SNTB1: variants seen among roughly 807,000 people sequenced by gnomAD.
The protein encoded by SNTB1 is syntrophin beta 1.
In SNTB1, 36 loss-of-function variants were observed where a neutral mutation model predicts 48.9. That is an observed-to-expected ratio of 0.74 (90% CI 0.56 to 0.97). SNTB1 has a LOEUF of 0.97. Ranked by LOEUF, SNTB1 falls within the 50% of genes least tolerant of loss-of-function variation. The pLI, the probability that SNTB1 is intolerant of heterozygous loss-of-function variation, is 0.00. For synonymous variants in SNTB1, 299 were observed against 294.6 expected, an observed-to-expected ratio of 1.01 and a Z score of -0.15; for missense variants, 786 against 703.4, an observed-to-expected ratio of 1.12 and a Z score of -1.33.
At chr8:120,759,469 A>G (rs986001967) in intron 1 of SNTB1, among the ~76,000 whole-genome samples, 2 of 152,188 alleles carry the variant, frequency 1.3e-5, no homozygotes, top group African/African-American at 4.8e-5. Flanking sequence ...ATACTTCTTG[A>G]TAACTGAAGA....
chr8:120,709,609 C>T (rs775825316), intron 1 of SNTB1, among the ~76,000 whole-genome samples: 1 of 152,152 alleles, frequency 6.6e-6, no homozygotes, highest in Non-Finnish European at 1.5e-5. Flanking sequence ...ATACTGTTAT[C>T]ATTAACAGTT....
chr8:120,730,783 T>C (rs1818837431), intron 1 of SNTB1, among the ~76,000 whole-genome samples: 1 of 152,086 alleles, frequency 6.6e-6, no homozygotes, highest in Non-Finnish European at 1.5e-5. Context: ...TAGTGTATCT[T>C]TAGGGAGAGA....
intron 1 of SNTB1, among the ~76,000 whole-genome samples, chr8:120,764,298 A>G (rs151334416): frequency 1.3e-5 from 2 of 152,240 alleles, no homozygotes; most frequent in African/African-American, 4.8e-5. Context: ...ACTTGGAAAG[A>G]TATCCAAGAA....
At chr8:120,770,966 C>T (rs1022216992) in intron 1 of SNTB1, among the ~76,000 whole-genome samples, 4 of 152,164 alleles carry the variant, frequency 2.6e-5, no homozygotes, top group East Asian at 1.9e-4. Context: ...AAATAATGAT[C>T]TCAGAATACT....
intron 1 of SNTB1, among the ~76,000 whole-genome samples, chr8:120,770,074 C>T (rs980918871): frequency 6.6e-6 from 1 of 152,164 alleles, no homozygotes; most frequent in African/African-American, 2.4e-5. Context: ...TTCTGGGAAA[C>T]ATTTGTATGC....
At chr8:120,692,291 C>A (rs901810277) in intron 2 of SNTB1, among the ~76,000 whole-genome samples, 11 of 152,084 alleles carry the variant, frequency 7.2e-5, no homozygotes, top group Non-Finnish European at 8.8e-5. Context: ...TGCCCCTATT[C>A]CCGATGGCTT....
intron 1 of SNTB1, among the ~76,000 whole-genome samples, chr8:120,783,470 G>A (rs1196354914): frequency 6.6e-6 from 1 of 152,024 alleles, no homozygotes; most frequent in Non-Finnish European, 1.5e-5. Flanking sequence ...AAAAAATAAT[G>A]TCAATACCCC....
At chr8:120,688,475 T>A (rs1480882106) in intron 2 of SNTB1, among the ~76,000 whole-genome samples, 1 of 152,182 alleles carries the variant, frequency 6.6e-6, no homozygotes, top group East Asian at 1.9e-4. Flanking sequence ...GTTCTAGATA[T>A]CTGGGGTAAT....
intron 1 of SNTB1, among the ~76,000 whole-genome samples, chr8:120,766,283 G>C (rs1819523578): frequency 6.6e-6 from 1 of 152,046 alleles, no homozygotes. Flanking sequence ...GATTCAGAAA[G>C]GATAAATAAT....
At chr8:120,695,884 A>C (rs1163551596) in intron 1 of SNTB1, among the ~76,000 whole-genome samples, 4 of 152,204 alleles carry the variant, frequency 2.6e-5, no homozygotes, top group Non-Finnish European at 5.9e-5. Context: ...ACCTGTTAGC[A>C]CAGGTTGCAG....
intron 1 of SNTB1, among the ~76,000 whole-genome samples, chr8:120,798,939 G>C (rs1820169451): frequency 6.6e-6 from 1 of 152,052 alleles, no homozygotes; most frequent in Non-Finnish European, 1.5e-5. Flanking sequence ...GTTGCTTACA[G>C]AAAATACCTT....
intron 2 of SNTB1, among the ~76,000 whole-genome samples, chr8:120,633,486 C>G (rs1489738761): frequency 6.6e-6 from 1 of 151,940 alleles, no homozygotes; most frequent in Non-Finnish European, 1.5e-5. Context: ...GTGCCTGTAG[C>G]CCCAGCTACT....
chr8:120,547,101 TG>T, intron 5 of SNTB1, among the ~76,000 whole-genome samples: 1 of 152,220 alleles, frequency 6.6e-6, no homozygotes, highest in South Asian at 2.1e-4. Context: ...CTTCCTGATT[TG>T]TCAGGTTGAC....
chr8:120,653,207 A>G (rs1817437825), intron 2 of SNTB1, among the ~76,000 whole-genome samples: 1 of 152,184 alleles, frequency 6.6e-6, no homozygotes, highest in Admixed American at 6.5e-5. Flanking sequence ...TAATTAAGGG[A>G]AGGATTCAGA....
At chr8:120,782,224 C>G (rs1035607986) in intron 1 of SNTB1, among the ~76,000 whole-genome samples, 1 of 152,104 alleles carries the variant, frequency 6.6e-6, no homozygotes, top group Non-Finnish European at 1.5e-5. Context: ...TAATCCTACT[C>G]CAATATAACC....
rs145576019 is a variant in SNTB1, at chr8:120,618,542, C to T, written c.996+13902G>A. Among the ~76,000 whole-genome samples the T allele has an allele frequency of 5.9e-5, 9 of 152,258 alleles. No homozygotes were observed. The East Asian group carries it at 1.7e-3, about 29-fold the overall frequency. ...GCATATTGTATGTGCTCAATAGTTA[C>T]TTACAGAATGAATGAATTATAGGTG... On this transcript the variant is annotated intron_variant, in intron 3 of 6. Transcript: ENST00000517992.
chr8:120,565,066 C>T (rs1437400917), intron 4 of SNTB1, among the ~76,000 whole-genome samples: 1 of 152,130 alleles, frequency 6.6e-6, no homozygotes, highest in Non-Finnish European at 1.5e-5. Flanking sequence ...TTTTTGGAGA[C>T]ATTTTGTTGG....
At chr8:120,720,902 T>C (rs1381952463) in intron 1 of SNTB1, among the ~76,000 whole-genome samples, 1 of 152,170 alleles carries the variant, frequency 6.6e-6, no homozygotes, top group African/African-American at 2.4e-5. Context: ...ACAAGTCTTT[T>C]CCAAGAGCCT....
At chr8:120,740,296 C>T (rs1819022120) in intron 1 of SNTB1, among the ~76,000 whole-genome samples, 1 of 152,186 alleles carries the variant, frequency 6.6e-6, no homozygotes, top group South Asian at 2.1e-4. Context: ...AGGTTCAGAT[C>T]CTCCATCACC....
Sources: gnomAD v4.1 joint callset for allele counts (sites outside exome capture counted in the v4.1 genomes callset) on GRCh38, gnomAD v4.1.1 for gene constraint, MANE v1.5 for transcripts, NCBI Gene and HGNC (gene_info 2026-07-23, HGNC 2026-07-21) for gene names.